Variants in TAFA2 observed in about 807,000 individuals in gnomAD.
The protein encoded by TAFA2 is TAFA chemokine like family member 2.
TAFA2 carries 7 observed loss-of-function variants against 18.8 expected under a neutral mutation model. The ratio of observed to expected loss-of-function variants is 0.37; its 90% CI spans 0.21 to 0.70. TAFA2 has a LOEUF of 0.70. Ranked by LOEUF, TAFA2 falls within the 30% of genes least tolerant of loss-of-function variation. The pLI is 0.53. For missense variants in TAFA2, 122 were observed against 158.1 expected (o/e 0.77, Z 1.23); for synonymous variants, 60 against 54.2 (o/e 1.11, Z -0.47).
chr12:62,157,361 A>T (rs898966915), intron 1 of TAFA2, among the ~76,000 whole-genome samples: 19 of 152,194 alleles, frequency 1.2e-4, no homozygotes, highest in Admixed American at 9.8e-4. Context: ...CCTATGAAGA[A>T]AGAAGTTGGC....
At chr12:62,121,382 A>C (rs1364174340) in intron 1 of TAFA2, among the ~76,000 whole-genome samples, 1 of 152,222 alleles carries the variant, frequency 6.6e-6, no homozygotes, top group Admixed American at 6.5e-5. Flanking sequence ...TCCAAAGTCC[A>C]CAATGATTTG....
intron 2 of TAFA2, among the ~76,000 whole-genome samples, chr12:61,765,885 T>C (rs1324258196): frequency 1.3e-5 from 2 of 152,102 alleles, no homozygotes; most frequent in Non-Finnish European, 2.9e-5. Context: ...CCTAATTCTA[T>C]ATCACAGAGC....
At chr12:62,068,536 G>C (rs1367925306) in intron 1 of TAFA2, among the ~76,000 whole-genome samples, 1 of 152,084 alleles carries the variant, frequency 6.6e-6, no homozygotes. Context: ...TCTTCTACCT[G>C]TCTCTTTGAA....
At chr12:61,721,025 C>T (rs1869871435) in intron 4 of TAFA2, 1 of 469,780 alleles carries the variant, frequency 2.1e-6, no homozygotes, top group Non-Finnish European at 4.3e-6. Context: ...AAAGGGACAA[C>T]AAGACAATAA....
At chr12:61,984,445 C>G (rs1307697233) in intron 1 of TAFA2, among the ~76,000 whole-genome samples, 2 of 152,180 alleles carry the variant, frequency 1.3e-5, no homozygotes, top group African/African-American at 4.8e-5. Context: ...TATTTAGCAA[C>G]AGCTGAGGGA....
chr12:61,932,512 T>C (rs1877599072), intron 1 of TAFA2, among the ~76,000 whole-genome samples: 1 of 152,182 alleles, frequency 6.6e-6, no homozygotes, highest in South Asian at 2.1e-4. Context: ...CTATCTCAGC[T>C]CACTGCAAGC....
intron 2 of TAFA2, among the ~76,000 whole-genome samples, chr12:61,824,778 G>A (rs1872473081): frequency 6.6e-6 from 1 of 152,132 alleles, no homozygotes; most frequent in Non-Finnish European, 1.5e-5. Flanking sequence ...AAAGTGCTCT[G>A]GGGGATTCAG....
chr12:62,132,481 T>C (rs1370216965), intron 1 of TAFA2, among the ~76,000 whole-genome samples: 6 of 151,968 alleles, frequency 3.9e-5, no homozygotes, highest in Non-Finnish European at 7.4e-5. Flanking sequence ...AGTCCAATTA[T>C]ATAATAAATA....
intron 2 of TAFA2, among the ~76,000 whole-genome samples, chr12:61,830,714 T>C (rs1201459968): frequency 6.6e-6 from 1 of 152,004 alleles, no homozygotes; most frequent in Non-Finnish European, 1.5e-5. Context: ...CTTAAATTTA[T>C]ACCAATAAAA....
chr12:61,839,443 A>G (rs544540612), intron 2 of TAFA2, among the ~76,000 whole-genome samples: 4 of 152,170 alleles, frequency 2.6e-5, no homozygotes, highest in African/African-American at 9.6e-5. Flanking sequence ...AAAAACACAC[A>G]TGCCCTTGCA....
intron 1 of TAFA2, among the ~76,000 whole-genome samples, chr12:62,154,031 T>A (rs532066744): frequency 6.6e-6 from 1 of 152,152 alleles, no homozygotes; most frequent in East Asian, 1.9e-4. Flanking sequence ...ATCCTTTGCC[T>A]CAACCTCCTG....
At chr12:62,015,746 A>G (rs2136720521) in intron 1 of TAFA2, among the ~76,000 whole-genome samples, 1 of 152,318 alleles carries the variant, frequency 6.6e-6, no homozygotes, top group South Asian at 2.1e-4. Context: ...CATCCATCCC[A>G]GTCATCAGAT....
At chr12:61,739,148 A>C (rs762139982) in intron 4 of TAFA2, among the ~76,000 whole-genome samples, 1 of 152,082 alleles carries the variant, frequency 6.6e-6, no homozygotes, top group Non-Finnish European at 1.5e-5. Context: ...GATGTAAAGT[A>C]ACTTTCCCAA....
intron 1 of TAFA2, among the ~76,000 whole-genome samples, chr12:62,055,071 A>T (rs1438475758): frequency 6.6e-6 from 1 of 152,116 alleles, no homozygotes; most frequent in African/African-American, 2.4e-5. Flanking sequence ...AAGTCATGAG[A>T]GTGGAGTCCT....
chr12:62,081,024 C>G (rs996401797), intron 1 of TAFA2, among the ~76,000 whole-genome samples: 2 of 152,102 alleles, frequency 1.3e-5, no homozygotes, highest in African/African-American at 2.4e-5. Flanking sequence ...GAAACCCTGT[C>G]TCTACGAAAA....
rs575796269 is a variant in TAFA2, at chr12:61,774,525, G to T, written c.107-19501C>A. The stretch of plus-strand genomic sequence containing the variant: ...GAAATGATTACATTCACAGCAACCT[G>T]GATGGAATTGGAGACTATTATTTAA... On this transcript the variant is annotated intron_variant, in intron 2 of 4. Transcript: ENST00000416284. Among the ~76,000 whole-genome samples the T allele has an allele frequency of 5.3e-5, 8 of 151,910 alleles. No individual in the cohort carries two copies. In the South Asian group the frequency reaches 1.7e-3, roughly 32 times the overall value.
intron 1 of TAFA2, among the ~76,000 whole-genome samples, chr12:62,072,164 G>T (rs1251858131): frequency 6.6e-6 from 1 of 152,200 alleles, no homozygotes; most frequent in East Asian, 1.9e-4. Flanking sequence ...CACCTTTTGT[G>T]TTAAAATAAT....
intron 1 of TAFA2, among the ~76,000 whole-genome samples, chr12:62,180,288 T>C (rs909657498): frequency 2.0e-5 from 3 of 152,174 alleles, no homozygotes; most frequent in African/African-American, 4.8e-5. Context: ...AAAAATTAGA[T>C]TGAGCTTAGA....
intron 1 of TAFA2, among the ~76,000 whole-genome samples, chr12:62,177,868 A>G (rs2062524097): frequency 6.6e-6 from 1 of 151,942 alleles, no homozygotes; most frequent in Non-Finnish European, 1.5e-5. Flanking sequence ...TCTTTTCTTC[A>G]AACTTTTGCC....
Sources: gnomAD v4.1 joint callset for allele counts (sites outside exome capture counted in the v4.1 genomes callset) on GRCh38, gnomAD v4.1.1 for gene constraint, MANE v1.5 for transcripts, NCBI Gene and HGNC (gene_info 2026-07-23, HGNC 2026-07-21) for gene names.